WDR72: variants seen among roughly 807,000 people sequenced by gnomAD.
WDR72 encodes the protein WD repeat domain 72, also known as WD repeat-containing protein 72.
A neutral mutation model predicts 124.2 loss-of-function variants in WDR72; 120 were observed. The ratio of observed to expected loss-of-function variants is 0.97; its 90% CI spans 0.83 to 1.12. The LOEUF is 1.12. Ranked by LOEUF, WDR72 falls within the 50% of genes most tolerant of loss-of-function variation. The pLI, the probability that WDR72 is intolerant of heterozygous loss-of-function variation, is 0.00. For missense variants in WDR72, 1,387 were observed against 1,278.8 expected (o/e 1.08, Z -1.29); for synonymous variants, 452 against 441.7 (o/e 1.02, Z -0.29).
intron 2 of WDR72, among the ~76,000 whole-genome samples, chr15:53,724,234 T>G (rs912608928): frequency 6.6e-6 from 1 of 152,192 alleles, no homozygotes; most frequent in Non-Finnish European, 1.5e-5. Flanking sequence ...GTACACATGG[T>G]GACTATAGTT....
At chr15:53,735,328 GC>G (rs1375473777) in intron 1 of WDR72, among the ~76,000 whole-genome samples, 1 of 152,096 alleles carries the variant, frequency 6.6e-6, no homozygotes, top group East Asian at 1.9e-4. Context: ...AGAATGTACA[GC>G]AACTGGAACT....
intron 14 of WDR72, among the ~76,000 whole-genome samples, chr15:53,653,192 C>G (rs1261303870): frequency 6.6e-6 from 1 of 152,126 alleles, no homozygotes; most frequent in African/African-American, 2.4e-5. Context: ...ATGTTTTAGA[C>G]TTCAGTAGTT....
chr15:53,756,081 G>T (rs183067992), intron 1 of WDR72, among the ~76,000 whole-genome samples: 1 of 152,232 alleles, frequency 6.6e-6, no homozygotes, highest in East Asian at 1.9e-4. Flanking sequence ...CAGCTTTCTG[G>T]GCTAATATGG....
chr15:53,751,614 A>G (rs1595889492), intron 1 of WDR72, among the ~76,000 whole-genome samples: 1 of 152,142 alleles, frequency 6.6e-6, no homozygotes, highest in Non-Finnish European at 1.5e-5. Context: ...CTACAACAGA[A>G]CCCACCATAT....
chr15:53,684,637 G>A (rs369180737), intron 13 of WDR72: 99 of 157,046 alleles, frequency 6.3e-4, no homozygotes, highest in South Asian at 6.0e-3. Context: ...TGGGGGAGGG[G>A]CGCCCGCCAT....
chr15:53,551,188 G>T (rs1375798888), intron 18 of WDR72, among the ~76,000 whole-genome samples: 1 of 152,126 alleles, frequency 6.6e-6, no homozygotes, highest in African/African-American at 2.4e-5. Context: ...GGGAATGGAG[G>T]ATGGCCAGTG....
chr15:53,514,634 C>G lies in WDR72; in HGVS notation c.*3065G>C, dbSNP rs1192977842. 6.6e-6 allele frequency: 1 copy of G among 152,124 alleles called. No individual in the cohort carries two copies. Among genetic ancestry groups the G allele is most frequent in the African/African-American group, 2.4e-5 (1 of 41,408 alleles). 9.4% of individuals were successfully genotyped at this position (152,124 alleles called of 1,614,324 possible). A position where few individuals can be genotyped will look rare whatever the true frequency, so the allele number is the denominator to read the frequency against. ...ACCATTTTTCTAATACCATCATGTT[C>G]AAAGCAGCCTTAATTTAGTTTCTAA... On this transcript the variant is annotated 3_prime_UTR_variant, in exon 20 of 20. Coordinates refer to ENST00000360509, the MANE Select transcript of WDR72 (RefSeq NM_182758.4).
chr15:53,616,509 A>G (rs1220307269), intron 14 of WDR72, among the ~76,000 whole-genome samples: 1 of 151,922 alleles, frequency 6.6e-6, no homozygotes, highest in African/African-American at 2.4e-5. Context: ...GTAAGATGGC[A>G]CTAGATTAAC....
At chr15:53,755,172 C>G (rs2018867935) in intron 1 of WDR72, among the ~76,000 whole-genome samples, 1 of 152,170 alleles carries the variant, frequency 6.6e-6, no homozygotes, top group African/African-American at 2.4e-5. Context: ...TGGTTTATCT[C>G]TGTGATCTCA....
chr15:53,603,573 C>T (rs1428589842), intron 17 of WDR72, among the ~76,000 whole-genome samples: 1 of 152,062 alleles, frequency 6.6e-6, no homozygotes, highest in Admixed American at 6.6e-5. Flanking sequence ...TCATGATCCT[C>T]TATCTAGAAA....
intron 19 of WDR72, among the ~76,000 whole-genome samples, chr15:53,522,890 T>G (rs1891880161): frequency 2.0e-5 from 3 of 152,094 alleles, no homozygotes; most frequent in African/African-American, 7.2e-5. Flanking sequence ...TTCCATTATT[T>G]GAAATATTTA....
intron 13 of WDR72, among the ~76,000 whole-genome samples, chr15:53,676,796 T>C (rs987448415): frequency 1.1e-4 from 16 of 152,206 alleles, no homozygotes; most frequent in Admixed American, 9.2e-4. Context: ...GCTAAGTTTG[T>C]GTTAATTTGT....
chr15:53,706,350 G>GTGTATA (rs1431924015), intron 9 of WDR72, among the ~76,000 whole-genome samples: 3 of 25,760 alleles, frequency 1.2e-4, no homozygotes, highest in Non-Finnish European at 1.5e-4. Context: ...GTGTGTGTGT[G>GTGTATA]TATATATATA....
intron 2 of WDR72, among the ~76,000 whole-genome samples, chr15:53,730,299 G>T (rs1376054465): frequency 2.0e-5 from 3 of 152,148 alleles, no homozygotes; most frequent in Non-Finnish European, 2.9e-5. Flanking sequence ...ACTTACAGGA[G>T]ATATATAGAA....
At chr15:53,614,299 A>G (rs994811040) in intron 15 of WDR72, among the ~76,000 whole-genome samples, 1 of 152,084 alleles carries the variant, frequency 6.6e-6, no homozygotes, top group African/African-American at 2.4e-5. Context: ...GGATTTCTCA[A>G]CCTTCACAAC....
intron 14 of WDR72, among the ~76,000 whole-genome samples, chr15:53,656,490 TC>T (rs2015425428): frequency 6.6e-6 from 1 of 152,156 alleles, no homozygotes; most frequent in African/African-American, 2.4e-5. Context: ...GAGAATTGCT[TC>T]CTGTTAGTTT....
chr15:53,550,643 C>T (rs984190818), intron 18 of WDR72, among the ~76,000 whole-genome samples: 11 of 152,186 alleles, frequency 7.2e-5, no homozygotes, highest in African/African-American at 2.7e-4. Context: ...GTTTCCTCCA[C>T]AAGGAATGAT....
intron 18 of WDR72, among the ~76,000 whole-genome samples, chr15:53,586,774 A>T (rs570552161): frequency 2.0e-5 from 3 of 152,188 alleles, no homozygotes; most frequent in Admixed American, 1.3e-4. Context: ...ATGGCTGATG[A>T]TTTACTACAT....
At chr15:53,672,008 A>C (rs2016008530) in intron 13 of WDR72, among the ~76,000 whole-genome samples, 1 of 149,628 alleles carries the variant, frequency 6.7e-6, no homozygotes, top group Admixed American at 6.6e-5. Flanking sequence ...AGAGAGAGAG[A>C]GAGCACTTAC....
Sources: gnomAD v4.1 joint callset for allele counts (sites outside exome capture counted in the v4.1 genomes callset) on GRCh38, gnomAD v4.1.1 for gene constraint, MANE v1.5 for transcripts, NCBI Gene and HGNC (gene_info 2026-07-23, HGNC 2026-07-21) for gene names.